KIAA1328: variants seen among roughly 807,000 people sequenced by gnomAD.
KIAA1328 encodes KIAA1328, also known as protein hinderin.
A neutral mutation model predicts 68.1 loss-of-function variants in KIAA1328; 52 were observed. The ratio of observed to expected loss-of-function variants is 0.76; its 90% confidence interval spans 0.61 to 0.96. The LOEUF (loss-of-function observed/expected upper bound fraction) is 0.96, where lower values mean the gene tolerates loss of function less well. Ranked by LOEUF, KIAA1328 falls within the 40% of genes least tolerant of loss-of-function variation. The pLI is 0.00. For synonymous variants in KIAA1328, 232 were observed against 239.4 expected (o/e 0.97, Z 0.28); for missense variants, 641 against 677.6 (o/e 0.95, Z 0.60).
intron 7 of KIAA1328, among the ~76,000 whole-genome samples, chr18:37,103,386 C>T (rs1196366799): frequency 1.3e-5 from 2 of 152,030 alleles, no homozygotes; most frequent in African/African-American, 4.8e-5. Context: ...GACTGGGTGC[C>T]AAGAGCATGC....
chr18:37,195,533 A>G (rs984192255), intron 9 of KIAA1328, among the ~76,000 whole-genome samples: 1 of 152,216 alleles, frequency 6.6e-6, no homozygotes, highest in Non-Finnish European at 1.5e-5. Flanking sequence ...CAGTTTTCCC[A>G]ACACCATTTA....
At position 37,060,880 on chromosome 18, in the gene KIAA1328, G is replaced by A. The variant is rs144064727; in HGVS notation, c.577-6010G>A. On this transcript the variant is annotated intron_variant, in intron 6 of 9. Coordinates refer to ENST00000280020, the MANE Select transcript of KIAA1328 (RefSeq NM_020776.3). ...CGCCTGTAATCTCAGCACTTTGGGA[G>A]GCCGAGGCAGGTGGATCATGAGGTC... Among the ~76,000 whole-genome samples, 1,290 of 152,282 alleles carry A rather than the reference G, an allele frequency of 8.5e-3. 13 individuals are homozygous for A. The highest frequency in any genetic ancestry group is 0.028 in the African/African-American group (1,164 of 41,556).
intron 6 of KIAA1328, among the ~76,000 whole-genome samples, chr18:36,961,264 G>GA (rs2051657329): frequency 6.6e-6 from 1 of 152,050 alleles, no homozygotes; most frequent in African/African-American, 2.4e-5. Context: ...CAAGCTTAGA[G>GA]AAAAAAAAGT....
At chr18:36,896,897 G>T (rs1201714773) in intron 5 of KIAA1328, among the ~76,000 whole-genome samples, 1 of 152,054 alleles carries the variant, frequency 6.6e-6, no homozygotes, top group East Asian at 1.9e-4. Flanking sequence ...AATATAGTGA[G>T]TGACTTTATT....
intron 6 of KIAA1328, among the ~76,000 whole-genome samples, chr18:37,041,237 CTT>C (rs1447027137): frequency 6.6e-6 from 1 of 151,760 alleles, no homozygotes; most frequent in Non-Finnish European, 1.5e-5. Flanking sequence ...AGTTGTCAGA[CTT>C]ACATATATTT....
intron 3 of KIAA1328, among the ~76,000 whole-genome samples, chr18:36,843,245 A>G (rs2046917440): frequency 6.6e-6 from 1 of 152,068 alleles, no homozygotes. Context: ...TCTAAAACCA[A>G]AGCTTATTTT....
intron 6 of KIAA1328, among the ~76,000 whole-genome samples, chr18:36,991,626 C>T (rs899104064): frequency 1.3e-5 from 2 of 152,108 alleles, no homozygotes; most frequent in African/African-American, 4.8e-5. Flanking sequence ...CTTAGATAAC[C>T]ACCATTCTTG....
Position 37,024,372 on chromosome 18 carries a change from ATTT to A in KIAA1328, c.577-42516_577-42514del, listed in dbSNP as rs1244492199. On this transcript the variant is annotated intron_variant, in intron 6 of 9. Transcript: ENST00000280020. ...TATTTATTATTTATTTATTTACTTT[ATTT>A]TATATATATATATTTATTATACTTT... Among the ~76,000 whole-genome samples the A allele has an allele frequency of 1.2e-4, 3 of 25,892 alleles. No individual in the cohort carries two copies. In the Non-Finnish European group the frequency reaches 2.5e-3, roughly 21 times the overall value. 17.0% of individuals were successfully genotyped at this position (25,892 alleles called of 152,430 possible).
intron 6 of KIAA1328, among the ~76,000 whole-genome samples, chr18:37,024,928 TTCTAGA>T (rs1428648248): frequency 6.6e-6 from 1 of 152,164 alleles, no homozygotes; most frequent in African/African-American, 2.4e-5. Context: ...GTATTCCTAG[TTCTAGA>T]TCCCTGAGGA....
intron 9 of KIAA1328, among the ~76,000 whole-genome samples, chr18:37,203,838 C>A (rs1343999294): frequency 6.7e-6 from 1 of 149,830 alleles, no homozygotes; most frequent in Non-Finnish European, 1.5e-5. Context: ...GAGACGGAGT[C>A]TCGCTCTGTC....
At chr18:37,118,051 C>T (rs2058169413) in intron 7 of KIAA1328, among the ~76,000 whole-genome samples, 1 of 148,518 alleles carries the variant, frequency 6.7e-6, no homozygotes, top group Non-Finnish European at 1.5e-5. Flanking sequence ...GTCGCTCAGG[C>T]TGGCACAAAC....
chr18:37,084,872 G>A (rs1306477341), intron 7 of KIAA1328, among the ~76,000 whole-genome samples: 2 of 152,158 alleles, frequency 1.3e-5, no homozygotes, highest in Admixed American at 6.5e-5. Context: ...CTAGCGGCTA[G>A]GTCTGCAACA....
intron 6 of KIAA1328, among the ~76,000 whole-genome samples, chr18:36,978,719 G>C (rs1431073405): frequency 6.6e-6 from 1 of 152,170 alleles, no homozygotes; most frequent in African/African-American, 2.4e-5. Flanking sequence ...GAGAGCACCA[G>C]ATCTTCTTTC....
intron 6 of KIAA1328, among the ~76,000 whole-genome samples, chr18:37,019,984 C>T (rs1418117857): frequency 1.3e-5 from 2 of 152,134 alleles, no homozygotes; most frequent in Non-Finnish European, 2.9e-5. Context: ...TCTACTGGTC[C>T]AGGTGAGTGA....
intron 7 of KIAA1328, among the ~76,000 whole-genome samples, chr18:37,097,264 A>G (rs1019707335): frequency 6.6e-6 from 1 of 152,010 alleles, no homozygotes; most frequent in Non-Finnish European, 1.5e-5. Flanking sequence ...GGTGTGAGGA[A>G]GGGATCCAGT....
chr18:36,842,894 C>T (rs1357423583), intron 3 of KIAA1328, among the ~76,000 whole-genome samples: 1 of 152,016 alleles, frequency 6.6e-6, no homozygotes, highest in African/African-American at 2.4e-5. Flanking sequence ...ATGTTATATG[C>T]TTCTGATTCT....
chr18:37,098,412 C>T (rs1261220102), intron 7 of KIAA1328, among the ~76,000 whole-genome samples: 1 of 152,192 alleles, frequency 6.6e-6, no homozygotes, highest in Non-Finnish European at 1.5e-5. Context: ...CCTTGCATCC[C>T]AGGGATGAAG....
chr18:36,933,677 T>C (rs2050395357), intron 5 of KIAA1328, among the ~76,000 whole-genome samples: 1 of 152,206 alleles, frequency 6.6e-6, no homozygotes. Flanking sequence ...CCAGCTGTTC[T>C]AGGGGATCCA....
intron 7 of KIAA1328, among the ~76,000 whole-genome samples, chr18:37,084,771 T>G (rs1170520714): frequency 6.6e-6 from 1 of 152,228 alleles, no homozygotes; most frequent in African/African-American, 2.4e-5. Flanking sequence ...TGTTACAGAT[T>G]CCTGTAAGTG....
Sources: gnomAD v4.1 joint callset for allele counts (sites outside exome capture counted in the v4.1 genomes callset) on GRCh38, gnomAD v4.1.1 for gene constraint, MANE v1.5 for transcripts, NCBI Gene and HGNC (gene_info 2026-07-23, HGNC 2026-07-21) for gene names.